The following PPM1H variants were observed in gnomAD, a reference collection of about 807,000 sequenced individuals.
The protein encoded by PPM1H is protein phosphatase 1H.
In PPM1H, 27 loss-of-function variants were observed where a neutral mutation model predicts 54.9. The observed-to-expected ratio is 0.49, with a 90% confidence interval of 0.36 to 0.68. The LOEUF (loss-of-function observed/expected upper bound fraction) is 0.68, where lower values mean the gene tolerates loss of function less well. Among genes scored for constraint, PPM1H ranks in the 30% least tolerant of loss-of-function variants. The pLI is 0.00. For missense variants in PPM1H, 596 were observed against 667.8 expected, an observed-to-expected ratio of 0.89 and a Z score of 1.19; for synonymous variants, 305 against 270.8, an observed-to-expected ratio of 1.13 and a Z score of -1.24.
At chr12:62,812,822 C>A (rs2076843048) in intron 2 of PPM1H, among the ~76,000 whole-genome samples, 2 of 149,976 alleles carry the variant, frequency 1.3e-5, no homozygotes, top group African/African-American at 2.5e-5. Flanking sequence ...ACTCCTTGGG[C>A]CTTTCAACAA....
intron 9 of PPM1H, among the ~76,000 whole-genome samples, chr12:62,654,685 G>C (rs2075834806): frequency 6.6e-6 from 1 of 152,196 alleles, no homozygotes; most frequent in African/African-American, 2.4e-5. Context: ...CTCCAAGGCA[G>C]CAAGAACTGA....
chr12:62,908,180 G>A (rs1371407099), intron 1 of PPM1H, among the ~76,000 whole-genome samples: 4 of 152,048 alleles, frequency 2.6e-5, no homozygotes, highest in Non-Finnish European at 5.9e-5. Flanking sequence ...TTGGGAAGCC[G>A]AGGGTGGGCG....
intron 6 of PPM1H, among the ~76,000 whole-genome samples, chr12:62,709,064 A>G (rs1455791715): frequency 6.6e-6 from 1 of 152,080 alleles, no homozygotes; most frequent in Non-Finnish European, 1.5e-5. Context: ...AGCTGACTCC[A>G]ATGTAATTAC....
At chr12:62,882,549 CAG>C (rs1008277175) in intron 1 of PPM1H, among the ~76,000 whole-genome samples, 2 of 152,234 alleles carry the variant, frequency 1.3e-5, no homozygotes, top group African/African-American at 4.8e-5. Flanking sequence ...TCCTTGGAAA[CAG>C]GGGCAGAGTG....
At position 62,740,699 on chromosome 12, in the gene PPM1H, G is replaced by A. The variant is rs556522370; in HGVS notation, c.870-3113C>T. Among the ~76,000 whole-genome samples, 15 of 152,282 alleles carry A rather than the reference G, an allele frequency of 9.9e-5. 1 individual carries two copies. In the South Asian group the frequency reaches 3.1e-3, roughly 32 times the overall value. On this transcript the variant is annotated intron_variant, in intron 4 of 9. Coordinates refer to ENST00000228705, the MANE Select transcript of PPM1H (RefSeq NM_020700.2). ...ACACTGCAGCCCTACTACTGCACAC[G>A]GTGCCAGGCCATTGTAGGCAGGGCT... is the stretch of plus-strand genomic sequence containing the variant.
In PPM1H at chr12:62,793,484, GGAGGCCGAGGCAGGCAGATCACCT is replaced by G. The variant is rs370309773; in HGVS notation, c.757-5170_757-5147del. Among the ~76,000 whole-genome samples, 58 of 152,148 alleles carry G rather than the reference GGAGGCCGAGGCAGGCAGATCACCT, an allele frequency of 3.8e-4. 1 individual carries two copies. The highest frequency in any genetic ancestry group is 1.3e-3 in the African/African-American group (53 of 41,510). ...TCACGCCTGTAATCTCAGCACTTTG[GGAGGCCGAGGCAGGCAGATCACCT>G]GAGGTCGGGCAGTGGAGACCAGCTT... On this transcript the variant is annotated intron_variant, in intron 3 of 9. Coordinates refer to ENST00000228705, the MANE Select transcript of PPM1H (RefSeq NM_020700.2).
At chr12:62,903,299 C>A (rs1209426738) in intron 1 of PPM1H, among the ~76,000 whole-genome samples, 1 of 152,042 alleles carries the variant, frequency 6.6e-6, no homozygotes, top group African/African-American at 2.4e-5. Context: ...GGGGTGGAAG[C>A]GTGTCAGTGG....
intron 1 of PPM1H, among the ~76,000 whole-genome samples, chr12:62,837,756 T>C (rs1445943902): frequency 1.3e-5 from 2 of 152,248 alleles, no homozygotes; most frequent in Non-Finnish European, 2.9e-5. Flanking sequence ...TATTTAATAA[T>C]AATACACCAA....
chr12:62,818,046 A>G (rs2076881267), intron 2 of PPM1H, among the ~76,000 whole-genome samples: 1 of 152,238 alleles, frequency 6.6e-6, no homozygotes, highest in African/African-American at 2.4e-5. Context: ...GCATGTGTTC[A>G]GAAGTCTAGT....
chr12:62,700,448 C>T (rs553778236), intron 6 of PPM1H, among the ~76,000 whole-genome samples: 2 of 152,292 alleles, frequency 1.3e-5, no homozygotes, highest in South Asian at 2.1e-4. Flanking sequence ...CTTTTTGATA[C>T]TTTTCTTTGC....
In PPM1H at chr12:62,934,231, A is replaced by G. The variant is rs1218569446; in HGVS notation, c.245+261T>C. On this transcript the variant is annotated intron_variant, in intron 1 of 9. Transcript: ENST00000228705. The surrounding 1 kb of genome is among the most constrained non-coding windows in gnomAD (Gnocchi z 4.2). ...CGGATTCACAGACCTGTCTCACCTT[A>G]GCTTTCCCACGCTCCAGCGCTGCCA... Among the ~76,000 whole-genome samples the G allele has an allele frequency of 6.6e-6, 1 of 152,136 alleles. No homozygotes were observed. Among genetic ancestry groups the G allele is most frequent in the Non-Finnish European group, 1.5e-5 (1 of 68,024 alleles).
At chr12:62,762,134 C>G (rs2076512980) in intron 4 of PPM1H, among the ~76,000 whole-genome samples, 1 of 152,240 alleles carries the variant, frequency 6.6e-6, no homozygotes, top group Non-Finnish European at 1.5e-5. Context: ...TAACCCCTAA[C>G]TACGTATGGC....
chr12:62,923,643 T>G (rs1256360266), intron 1 of PPM1H, among the ~76,000 whole-genome samples: 6 of 152,170 alleles, frequency 3.9e-5, no homozygotes, highest in Non-Finnish European at 5.9e-5. Context: ...CTCAGGTGAT[T>G]CGCCCACCTC....
chr12:62,906,972 G>A (rs1871320102), intron 1 of PPM1H, among the ~76,000 whole-genome samples: 1 of 152,218 alleles, frequency 6.6e-6, no homozygotes, highest in African/African-American at 2.4e-5. Flanking sequence ...TTTCAGATGT[G>A]GAGAGGGGTG....
chr12:62,664,679 CAT>C (rs1166594879), intron 9 of PPM1H, among the ~76,000 whole-genome samples: 2 of 152,196 alleles, frequency 1.3e-5, no homozygotes, highest in East Asian at 1.9e-4. Flanking sequence ...AATATGACCA[CAT>C]GTTTACTAAT....
intron 9 of PPM1H, chr12:62,658,821 G>T (rs11174588): frequency 0.14 from 71,879 of 522,470 alleles, 5,855 homozygotes; most frequent in Middle Eastern, 0.24. Flanking sequence ...CTTGGCATCA[G>T]GGCCAACTTC....
intron 4 of PPM1H, among the ~76,000 whole-genome samples, chr12:62,775,680 G>A (rs1380606304): frequency 6.6e-6 from 1 of 152,242 alleles, no homozygotes; most frequent in East Asian, 1.9e-4. Flanking sequence ...AGAGAGGAGA[G>A]TTCAAGCTCA....
At chr12:62,732,392 T>C (rs2076326560) in intron 5 of PPM1H, among the ~76,000 whole-genome samples, 1 of 152,204 alleles carries the variant, frequency 6.6e-6, no homozygotes, top group African/African-American at 2.4e-5. Flanking sequence ...AGACTGTGCA[T>C]ACCAAGAACA....
intron 4 of PPM1H, among the ~76,000 whole-genome samples, chr12:62,785,182 C>CT (rs879331754): frequency 5.7e-4 from 84 of 147,254 alleles, no homozygotes; most frequent in South Asian, 1.7e-3. Context: ...AAACAAAACA[C>CT]TTTTTTTTTT....
Sources: allele counts gnomAD v4.1 joint callset (sites outside exome capture counted in the v4.1 genomes callset), GRCh38; gene constraint gnomAD v4.1.1; non-coding constraint Gnocchi (gnomAD v3.1); transcripts MANE v1.5; gene names NCBI Gene and HGNC (gene_info 2026-07-23, HGNC 2026-07-21).